The following PPFIBP2 variants were observed in gnomAD, a reference collection of about 807,000 sequenced individuals.
PPFIBP2 encodes liprin-beta-2.
PPFIBP2 carries 118 observed loss-of-function variants against 118.3 expected under a neutral mutation model. The observed-to-expected ratio is 1.00, with a 90% CI of 0.86 to 1.16. The LOEUF (loss-of-function observed/expected upper bound fraction) is 1.16. Ranked by LOEUF, PPFIBP2 falls within the 50% of genes most tolerant of loss-of-function variation. The probability of loss-of-function intolerance (pLI) is 0.00; values close to 1 mark genes in which losing one functional copy is unlikely to be tolerated. For missense variants in PPFIBP2, 1,195 were observed against 1,073.1 expected (o/e 1.11, Z -1.59); for synonymous variants, 414 against 397.4 (o/e 1.04, Z -0.50).
At position 7,653,646 on chromosome 11, in the gene PPFIBP2, C is replaced by A; in HGVS notation, c.*428C>A. On this transcript the variant is annotated 3_prime_UTR_variant, in exon 24 of 24. Coordinates refer to ENST00000299492, the MANE Select transcript of PPFIBP2 (RefSeq NM_003621.5). ...CGTGGACCACAGTCTTGGCTGAGATCAAAGGGATGAGCAACAGGGACTTCT... is the reference window on the plus strand; with the variant it reads ...CGTGGACCACAGTCTTGGCTGAGATAAAAGGGATGAGCAACAGGGACTTCT... 1 of 1,293,164 alleles carries A rather than the reference C, an allele frequency of 7.7e-7. No individual in the cohort carries two copies. The highest frequency in any genetic ancestry group is 1.5e-5 in the African/African-American group (1 of 66,170). The allele number at this position is 1,293,164 out of a possible 1,614,324, so 80.1% of individuals were successfully genotyped here.
chr11:7,604,437 C>T (rs1009174855), intron 5 of PPFIBP2, among the ~76,000 whole-genome samples: 1 of 151,590 alleles, frequency 6.6e-6, no homozygotes, highest in Non-Finnish European at 1.5e-5. Flanking sequence ...CACATGCACC[C>T]ACACACACCC....
chr11:7,632,927 G>A lies in PPFIBP2; in HGVS notation c.1129G>A (p.Glu377Lys). The A allele has an allele frequency of 1.2e-6, 2 of 1,613,680 alleles. No homozygotes were observed. The highest frequency in any genetic ancestry group is 2.2e-5 in the South Asian group (2 of 91,050). Reference sequence around the variant, plus strand: ...ACCTCCATTGCCACAGAAATCACTGGAAACCAGGTAAGAGGCCTGGGCATT... The same window carrying A: ...ACCTCCATTGCCACAGAAATCACTGAAAACCAGGTAAGAGGCCTGGGCATT... The part of the protein sequence containing the change: ...GPPPLPQKSL[E>K]TRAQKKLSCS... The change falls in exon 12 of 24, where the codon GAA becomes AAA. Residue 377 changes from glutamate to lysine, a missense_variant. Glu to Lys is a moderately conservative substitution (Grantham distance 56, BLOSUM62 1). Coordinates refer to ENST00000299492, the MANE Select transcript of PPFIBP2 (RefSeq NM_003621.5).
At position 7,653,213 on chromosome 11, in the gene PPFIBP2, A is replaced by G. The variant is rs1159432133; in HGVS notation, c.2626A>G (p.Ser876Gly). 3.1e-6 allele frequency: 5 copies of G among 1,614,010 alleles called. No homozygotes were observed. Among genetic ancestry groups the G allele is most frequent in the Non-Finnish European group, 4.2e-6 (5 of 1,180,046 alleles). The change falls in exon 24 of 24, where the codon AGC (serine) becomes GGC (glycine). Residue 876 changes from serine (S) to glycine (G), a missense_variant. Physicochemically the swap from Ser to Gly is moderately conservative, Grantham distance 56. Coordinates refer to ENST00000299492, the MANE Select transcript of PPFIBP2 (RefSeq NM_003621.5). ...LDGLDQVGQI[S>G] ...TGGGCTGGACCAGGTGGGACAGATT[A>G]GCTGATGCCCTTGTCACCTGCCCTC...
chr11:7,537,780 C>A (rs1440548074), intron 1 of PPFIBP2, among the ~76,000 whole-genome samples: 2 of 152,144 alleles, frequency 1.3e-5, no homozygotes, highest in African/African-American at 4.8e-5. Flanking sequence ...CTCAATTCTT[C>A]CCAAAGGCAC....
At chr11:7,607,146 G>A (rs187919827) in intron 5 of PPFIBP2, among the ~76,000 whole-genome samples, 321 of 149,852 alleles carry the variant, frequency 2.1e-3, no homozygotes, top group East Asian at 0.013. Context: ...TCCTGACCTC[G>A]TGATCCGCCC....
chr11:7,549,241 G>T (rs1212703490), intron 1 of PPFIBP2, among the ~76,000 whole-genome samples, 199 bp from the exon 2 acceptor site: 1 of 152,196 alleles, frequency 6.6e-6, no homozygotes, highest in Non-Finnish European at 1.5e-5. Context: ...AAGTGAATGG[G>T]ATTGTGTGCT....
At chr11:7,558,749 G>T (rs568515149) in intron 2 of PPFIBP2, among the ~76,000 whole-genome samples, 7 of 150,046 alleles carry the variant, frequency 4.7e-5, no homozygotes, top group African/African-American at 1.7e-4. Flanking sequence ...GAGCAACTCT[G>T]TCTCAAAAAA....
intron 4 of PPFIBP2, among the ~76,000 whole-genome samples, chr11:7,596,539 T>C (rs1364527043): frequency 6.6e-6 from 1 of 152,210 alleles, no homozygotes; most frequent in East Asian, 1.9e-4. Flanking sequence ...GATTAGTTCC[T>C]TTTTAAACAG....
chr11:7,522,610 A>G (rs910874541), intron 1 of PPFIBP2, among the ~76,000 whole-genome samples: 9 of 152,180 alleles, frequency 5.9e-5, no homozygotes, highest in Non-Finnish European at 1.0e-4. Flanking sequence ...CCATTAGGCA[A>G]TGAAAAATGG....
chr11:7,653,653 A>C lies in PPFIBP2; in HGVS notation c.*435A>C. On this transcript the variant is annotated 3_prime_UTR_variant, in exon 24 of 24. Coordinates refer to ENST00000299492, the MANE Select transcript of PPFIBP2 (RefSeq NM_003621.5). ...CACAGTCTTGGCTGAGATCAAAGGG[A>C]TGAGCAACAGGGACTTCTGCCACAG... The C allele has an allele frequency of 7.7e-7, 1 of 1,292,438 alleles. No homozygotes were observed. The allele number at this position is 1,292,438 out of a possible 1,614,324, so 80.1% of individuals were successfully genotyped here. A position where few individuals can be genotyped will look rare whatever the true frequency, so the allele number is the denominator to read the frequency against.
chr11:7,665,228 C>T, the PPFIBP2 span: 7 of 678,706 alleles, frequency 1.0e-5, no homozygotes, highest in African/African-American at 1.3e-4. Context: ...TTTTGTTAGG[C>T]CCACACCCAA....
intron 3 of PPFIBP2, among the ~76,000 whole-genome samples, chr11:7,583,212 A>G (rs1857536060): frequency 6.6e-6 from 1 of 151,844 alleles, no homozygotes; most frequent in Non-Finnish European, 1.5e-5. Flanking sequence ...TTCCCCATAC[A>G]TTTTCCTTTG....
chr11:7,619,215 T>G (rs577093909), intron 6 of PPFIBP2, among the ~76,000 whole-genome samples: 1 of 152,292 alleles, frequency 6.6e-6, no homozygotes, highest in East Asian at 1.9e-4. Flanking sequence ...GCAAATTATG[T>G]AGGAGGTACA....
chr11:7,657,119 G>C (rs1200918037), downstream of PPFIBP2: 3 of 241,616 alleles, frequency 1.2e-5, no homozygotes, highest in African/African-American at 6.7e-5. Context: ...GATATTCCTG[G>C]TGACAGCCTG....
chr11:7,562,770 G>A (rs1854439078), intron 2 of PPFIBP2, among the ~76,000 whole-genome samples: 1 of 151,408 alleles, frequency 6.6e-6, no homozygotes, highest in Admixed American at 6.6e-5. Flanking sequence ...TTAAAGTCAA[G>A]TGGCGTTTGT....
At chr11:7,565,509 G>A (rs748356193) in intron 2 of PPFIBP2, 44 bp from the exon 3 acceptor site, 1 of 1,600,284 alleles carries the variant, frequency 6.2e-7, no homozygotes, top group Admixed American at 1.7e-5. Context: ...CTTGCTCAGG[G>A]TGTCCACCCT....
chr11:7,602,020 G>A (rs908956323), intron 5 of PPFIBP2, among the ~76,000 whole-genome samples: 1 of 145,198 alleles, frequency 6.9e-6, no homozygotes, highest in Admixed American at 7.1e-5. Flanking sequence ...TGGAACCCGA[G>A]AGACGGAGGT....
chr11:7,632,892 C>G lies in PPFIBP2; in HGVS notation c.1094C>G (p.Thr365Arg). ...QEMPPRCSSP[T>R]VGPPPLPQKS... is the part of the protein sequence containing the mutation. ...ATGCCTCCAAGATGTAGCTCTCCTA[C>G]AGTGGGGCCACCTCCATTGCCACAG... The change falls in exon 12 of 24, where the codon ACA (threonine) becomes AGA (arginine). Residue 365 changes from threonine (T) to arginine (R), a missense_variant. Coordinates refer to ENST00000299492, the MANE Select transcript of PPFIBP2 (RefSeq NM_003621.5). 3 of 1,613,932 alleles carry G rather than the reference C, an allele frequency of 1.9e-6. 1 individual carries two copies. In the Middle Eastern group the frequency reaches 5.0e-4, roughly 266 times the overall value.
chr11:7,630,422 G>A (rs1565089963), intron 10 of PPFIBP2, among the ~76,000 whole-genome samples: 1 of 152,124 alleles, frequency 6.6e-6, no homozygotes, highest in Non-Finnish European at 1.5e-5. Flanking sequence ...AGCAATTCTT[G>A]TGCCTCAGCC....
Sources: gnomAD v4.1 joint callset for allele counts (sites outside exome capture counted in the v4.1 genomes callset) on GRCh38, gnomAD v4.1.1 for gene constraint, MANE v1.5 for transcripts, NCBI Gene and HGNC (gene_info 2026-07-23, HGNC 2026-07-21) for gene names.